AMOTL1: variants seen among roughly 807,000 people sequenced by gnomAD.
AMOTL1 encodes angiomotin like 1.
A neutral mutation model predicts 102.9 loss-of-function variants in AMOTL1; 45 were observed. The observed-to-expected ratio is 0.44, with a 90% CI of 0.34 to 0.56. The LOEUF (loss-of-function observed/expected upper bound fraction) is 0.56, where lower values mean the gene tolerates loss of function less well. Ranked by LOEUF, AMOTL1 falls within the 20% of genes least tolerant of loss-of-function variation. The pLI, the probability that AMOTL1 is intolerant of heterozygous loss-of-function variation, is 0.01. For synonymous variants in AMOTL1, 481 were observed against 484.7 expected (o/e 0.99, Z 0.10); for missense variants, 1,114 against 1,225.6 (o/e 0.91, Z 1.36).
chr11:94,847,227 C>T (rs1472939973), intron 6 of AMOTL1, among the ~76,000 whole-genome samples: 1 of 151,970 alleles, frequency 6.6e-6, no homozygotes, highest in Non-Finnish European at 1.5e-5. Flanking sequence ...AGGAAGGAAC[C>T]AGAGGTATCC....
intron 1 of AMOTL1, among the ~76,000 whole-genome samples, chr11:94,707,250 C>CTCTGTGTGTGTG (rs1338023479): frequency 2.9e-4 from 21 of 71,800 alleles, no homozygotes; most frequent in African/African-American, 7.9e-4. Flanking sequence ...CTCTCTCTCT[C>CTCTGTGTGTGTG]TGTGTGTGTG....
intron 3 of AMOTL1, among the ~76,000 whole-genome samples, chr11:94,754,810 GA>G: frequency 6.6e-6 from 1 of 151,224 alleles, no homozygotes; most frequent in African/African-American, 2.4e-5. Context: ...GATAAACAGT[GA>G]ATATTTTTTT....
intron 1 of AMOTL1, among the ~76,000 whole-genome samples, chr11:94,777,861 T>A (rs949105059): frequency 1.3e-5 from 2 of 152,190 alleles, no homozygotes; most frequent in Non-Finnish European, 2.9e-5. Context: ...TTTGTACAAG[T>A]CAATACTGAG....
At chr11:94,711,321 T>A (rs144963896) in intron 1 of AMOTL1, among the ~76,000 whole-genome samples, 18 of 152,166 alleles carry the variant, frequency 1.2e-4, no homozygotes, top group Non-Finnish European at 2.4e-4. Flanking sequence ...TATTTATAGA[T>A]TCATGAGTCT....
intron 1 of AMOTL1, among the ~76,000 whole-genome samples, chr11:94,790,375 G>A (rs1485852031): frequency 1.3e-5 from 2 of 152,200 alleles, no homozygotes; most frequent in South Asian, 2.1e-4. Context: ...CACAAGTTTT[G>A]TGTGCCTCAG....
chr11:94,768,477 C>A lies in AMOTL1; in HGVS notation c.-35C>A. 3 of 1,577,006 alleles carry A rather than the reference C, an allele frequency of 1.9e-6. No individual in the cohort carries two copies. The highest frequency in any genetic ancestry group is 4.7e-5 in the East Asian group (2 of 42,382). On this transcript the variant is annotated 5_prime_UTR_variant, in exon 1 of 13. Transcript: ENST00000433060. ...CCCGCGCTGCCCGGCAGCCGTCTTC[C>A]CCAGCCGAGGGACTGAACTAGCCAT...
intron 6 of AMOTL1, among the ~76,000 whole-genome samples, chr11:94,845,076 T>C (rs1271121231): frequency 2.0e-5 from 3 of 152,254 alleles, no homozygotes; most frequent in Non-Finnish European, 4.4e-5. Flanking sequence ...CATAGAGCCC[T>C]GACCTTATAC....
rs1474178602 is a variant in AMOTL1, at chr11:94,876,127, T to C, written c.*5332T>C. The stretch of plus-strand genomic sequence containing the variant: ...TGTTGTGTTTACATGTGATTGTGCC[T>C]AGGAGTCTGTTCACATAGAGACACC... On this transcript the variant is annotated 3_prime_UTR_variant, in exon 13 of 13. Transcript: ENST00000433060. 6.5e-6 allele frequency: 1 copy of C among 152,682 alleles called. No homozygotes were observed. Among genetic ancestry groups the C allele is most frequent in the East Asian group, 1.9e-4 (1 of 5,200 alleles). The allele number at this position is 152,682 out of a possible 1,614,324, so 9.5% of individuals were successfully genotyped here.
chr11:94,800,219 C>T lies in AMOTL1; in HGVS notation c.1029C>T (p.His343=), dbSNP rs775772235. 42 of 1,614,004 alleles carry T rather than the reference C, an allele frequency of 2.6e-5. No individual in the cohort carries two copies. In the East Asian group the frequency reaches 6.7e-4, roughly 26 times the overall value. ...GTGACCAGCACCCCGGGATGCTCCA[C>T]GAGATGGTCAAGCCCTACCCTGCTC... ...FYGDQHPGML[H]EMVKPYPAPQ... The change falls in exon 3 of 13, where the codon CAC becomes CAT. Residue 343 remains histidine, a synonymous_variant. Coordinates refer to ENST00000433060, the MANE Select transcript of AMOTL1 (RefSeq NM_130847.3).
intron 11 of AMOTL1, 52 bp from the exon 12 acceptor site, chr11:94,869,146 A>T: frequency 3.4e-6 from 4 of 1,179,208 alleles, no homozygotes; most frequent in Non-Finnish European, 4.5e-6. Context: ...ACTAGATTTA[A>T]AAAAAAAAAA....
intron 9 of AMOTL1, among the ~76,000 whole-genome samples, chr11:94,862,018 C>A (rs950131147): frequency 1.5e-4 from 23 of 152,174 alleles, no homozygotes; most frequent in African/African-American, 5.3e-4. Context: ...CCCCAGAGAA[C>A]AGGAGTTCTG....
chr11:94,782,204 G>T (rs552991361), intron 1 of AMOTL1, among the ~76,000 whole-genome samples: 20 of 152,206 alleles, frequency 1.3e-4, no homozygotes, highest in Admixed American at 3.3e-4. Flanking sequence ...ATTCTGGCTT[G>T]GGCATTTGGT....
intron 6 of AMOTL1, among the ~76,000 whole-genome samples, chr11:94,842,199 T>C (rs1464155728): frequency 6.6e-6 from 1 of 152,210 alleles, no homozygotes; most frequent in Non-Finnish European, 1.5e-5. Context: ...TGCCTAAACT[T>C]AATTTCTTCA....
chr11:94,836,247 T>TCAAG lies in AMOTL1; in HGVS notation c.1648+4709_1648+4712dup, dbSNP rs201798950. On this transcript the variant is annotated intron_variant, in intron 6 of 12. Coordinates refer to ENST00000433060, the MANE Select transcript of AMOTL1 (RefSeq NM_130847.3). ...TTACATCAGATGCTATGGGTTTCTATCAAGCATCATTAGGAAGGAAGGCTA... is the reference window on the plus strand; with the variant it reads ...TTACATCAGATGCTATGGGTTTCTATCAAGCAAGCATCATTAGGAAGGAAGGCTA... 9.2e-5 allele frequency among the ~76,000 whole-genome samples: 14 copies of TCAAG among 152,332 alleles called. No individual in the cohort carries two copies. In the East Asian group the frequency reaches 2.7e-3, roughly 29 times the overall value.
rs1212589759 is a variant in AMOTL1, at chr11:94,875,418, G to T, written c.*4623G>T. On this transcript the variant is annotated 3_prime_UTR_variant, in exon 13 of 13. Coordinates refer to ENST00000433060, the MANE Select transcript of AMOTL1 (RefSeq NM_130847.3). Reference sequence around the variant, plus strand: ...GCATACATATGAGGTATGACTATAGGGTTGTTTGTGGGAATTTCTTTTCCT... The same window carrying T: ...GCATACATATGAGGTATGACTATAGTGTTGTTTGTGGGAATTTCTTTTCCT... 1 of 152,164 alleles carries T rather than the reference G, an allele frequency of 6.6e-6. No individual in the cohort carries two copies. Among genetic ancestry groups the T allele is most frequent in the Non-Finnish European group, 1.5e-5 (1 of 68,040 alleles). The allele number at this position is 152,164 out of a possible 1,614,324, so 9.4% of individuals were successfully genotyped here. A position where few individuals can be genotyped will look rare whatever the true frequency, so the allele number is the denominator to read the frequency against.
At chr11:94,807,540 C>T (rs1352295120) in intron 3 of AMOTL1, among the ~76,000 whole-genome samples, 1 of 152,038 alleles carries the variant, frequency 6.6e-6, no homozygotes, top group Non-Finnish European at 1.5e-5. Flanking sequence ...GAACAGAAAA[C>T]TATCAAGAGT....
chr11:94,852,070 A>G (rs1032522147), intron 7 of AMOTL1, among the ~76,000 whole-genome samples: 2 of 152,254 alleles, frequency 1.3e-5, no homozygotes, highest in African/African-American at 2.4e-5. Flanking sequence ...TCAGAAAAGT[A>G]TACTCAGTGG....
At chr11:94,715,521 C>T (rs1311868310) in intron 1 of AMOTL1, among the ~76,000 whole-genome samples, 1 of 152,040 alleles carries the variant, frequency 6.6e-6, no homozygotes, top group African/African-American at 2.4e-5. Flanking sequence ...TTCCTTTAGC[C>T]ATTGTTTAAT....
At chr11:94,834,117 T>C (rs1486685188) in intron 6 of AMOTL1, among the ~76,000 whole-genome samples, 1 of 152,208 alleles carries the variant, frequency 6.6e-6, no homozygotes, top group Non-Finnish European at 1.5e-5. Context: ...CTCTTCCTAG[T>C]TATTAATGTG....
Sources: allele counts gnomAD v4.1 joint callset (sites outside exome capture counted in the v4.1 genomes callset), GRCh38; gene constraint gnomAD v4.1.1; transcripts MANE v1.5; gene names NCBI Gene and HGNC (gene_info 2026-07-23, HGNC 2026-07-21).